Variants in SRRM1 observed in about 807,000 individuals in gnomAD.
The protein encoded by SRRM1 is serine and arginine repetitive matrix 1, also known as serine/arginine repetitive matrix protein 1.
Under a neutral mutation model 110.2 loss-of-function variants are expected in SRRM1, and 19 were observed. The observed-to-expected ratio is 0.17, with a 90% CI of 0.12 to 0.25. The LOEUF is 0.25. Ranked by LOEUF, SRRM1 falls within the 10% of genes least tolerant of loss-of-function variation. The pLI is 1.00. For missense variants in SRRM1, 918 were observed against 1,145.8 expected, an observed-to-expected ratio of 0.80 and a Z score of 2.87; for synonymous variants, 443 against 414.9, an observed-to-expected ratio of 1.07 and a Z score of -0.82.
chr1:24,652,029 A>T (rs1430404409), intron 6 of SRRM1, among the ~76,000 whole-genome samples: 6 of 79,846 alleles, frequency 7.5e-5, no homozygotes, highest in South Asian at 5.1e-4. Context: ...CTGTACTAAA[A>T]ATATATATAT....
chr1:24,649,079 C>A (rs368271078), intron 4 of SRRM1, 50 bp downstream of exon 4: 7 of 1,537,894 alleles, frequency 4.6e-6, no homozygotes, highest in Non-Finnish European at 6.2e-6. Context: ...ATTGGCCAGG[C>A]TGCCGAGACA....
chr1:24,648,555 G>A (rs1658768792), intron 3 of SRRM1: 2 of 217,638 alleles, frequency 9.2e-6, no homozygotes, highest in Non-Finnish European at 1.8e-5. Context: ...GGTTTTTAAA[G>A]TTAATAAATG....
chr1:24,661,289 C>A (rs772515845), intron 10 of SRRM1, 21 bp from the exon 11 acceptor site: 2 of 1,596,000 alleles, frequency 1.3e-6, no homozygotes, highest in Admixed American at 1.7e-5. Context: ...GAAACACTTT[C>A]TAAATGCATC....
At position 24,654,957 on chromosome 1, in the gene SRRM1, C is replaced by T. The variant is rs953576243; in HGVS notation, c.1143C>T (p.Pro381=). 6.2e-7 allele frequency: 1 copy of T among 1,614,218 alleles called. No homozygotes were observed. Among genetic ancestry groups the T allele is most frequent in the African/African-American group, 1.3e-5 (1 of 75,048 alleles). ...AGCCTCCCAAGAGGACATCCAGCCC[C>T]CCTCGGAAAACTCGTAGGTTATCTC... ...PKKPPKRTSS[P]PRKTRRLSPS... The change falls in exon 9 of 17, where the codon CCC becomes CCT. Residue 381 remains proline (P), a synonymous_variant. Transcript: ENST00000323848.
intron 9 of SRRM1, among the ~76,000 whole-genome samples, chr1:24,659,454 C>T (rs535050122): frequency 1.3e-5 from 2 of 152,152 alleles, no homozygotes; most frequent in Non-Finnish European, 2.9e-5. Context: ...CTGAGAGGAT[C>T]AAATTGTCTG....
chr1:24,651,283 T>A lies in SRRM1; in HGVS notation c.522-126T>A, dbSNP rs181762608. The A allele has an allele frequency of 9.5e-4, 713 of 747,822 alleles. 3 individuals carry two copies. The highest frequency in any genetic ancestry group is 7.6e-3 in the Middle Eastern group (22 of 2,890). 46.3% of individuals were successfully genotyped at this position (747,822 alleles called of 1,614,324 possible). A position where few individuals can be genotyped will look rare whatever the true frequency, so the allele number is the denominator to read the frequency against. Reference sequence around the variant, plus strand: ...AGTAGATTAGGTTAGCATGTCTTATTTCCATAGGGAAACATCTCAGATATA... The same window carrying A: ...AGTAGATTAGGTTAGCATGTCTTATATCCATAGGGAAACATCTCAGATATA... On this transcript the variant is annotated intron_variant, in intron 5 of 16. Coordinates refer to ENST00000323848, the MANE Select transcript of SRRM1 (RefSeq NM_005839.4).
chr1:24,666,774 A>C lies in SRRM1; in HGVS notation c.1629-41A>C, dbSNP rs370380601. 6.7e-4 allele frequency: 1,049 copies of C among 1,563,446 alleles called. 6 individuals carry two copies. Among genetic ancestry groups the C allele is most frequent in the South Asian group, 3.1e-3 (271 of 88,682 alleles). ...AGTGAGACGCCATCACACACACACA[A>C]AAAAAAGAAAAAAAATTAACTATAA... On this transcript the variant is annotated intron_variant, in intron 12 of 16. Transcript: ENST00000323848.
In SRRM1 at chr1:24,645,980, G is replaced by T. The variant is rs1306215262; in HGVS notation, c.22-4G>T. 2.5e-6 allele frequency: 4 copies of T among 1,612,418 alleles called. No homozygotes were observed. The highest frequency in any genetic ancestry group is 1.7e-5 in the Admixed American group (1 of 59,888). On this transcript the variant is annotated splice_polypyrimidine_tract_variant and splice_region_variant and intron_variant, in intron 1 of 16. Coordinates refer to ENST00000323848, the MANE Select transcript of SRRM1 (RefSeq NM_005839.4). The stretch of plus-strand genomic sequence containing the variant: ...TTAGTTAAGATGTGGTTCTCTTCCT[G>T]CAGGGAACAAGTGCAGAACAGGATA...
intron 7 of SRRM1, 61 bp downstream of exon 7, chr1:24,652,689 C>T: frequency 4.2e-6 from 6 of 1,435,298 alleles, no homozygotes; most frequent in Non-Finnish European, 5.6e-6. Flanking sequence ...CTACTGGGTA[C>T]AATTAGATAA....
chr1:24,662,798 C>T lies in SRRM1; in HGVS notation c.1622C>T (p.Ser541Phe). The T allele has an allele frequency of 6.2e-7, 1 of 1,614,162 alleles. No individual in the cohort carries two copies. The highest frequency in any genetic ancestry group is 8.5e-7 in the Non-Finnish European group (1 of 1,179,998). ...CCACGAAAGCGCCAAAAAGAGACTT[C>T]CCCTCGGTAACATCTTTGCTTCAGT... ...PSPRKRQKET[S>F]PRGRRRRSPS... The change falls in exon 12 of 17, where the codon TCC becomes TTC. Residue 541 changes from serine (S) to phenylalanine (F), a missense_variant. Around this residue, in one of 5 missense-constraint regions of SRRM1, gnomAD observed 357 missense variants for 402.9 expected, o/e 0.89. Transcript: ENST00000323848.
Position 24,643,318 on chromosome 1 carries a change from G to A in SRRM1, c.-9G>A. ...GGGATAGGGAGCGATCTCCGAGCGA[G>A]GCGGCAAGATGGACGCGGGATTTTT... On this transcript the variant is annotated 5_prime_UTR_variant, in exon 1 of 17. Coordinates refer to ENST00000323848, the MANE Select transcript of SRRM1 (RefSeq NM_005839.4). The A allele has an allele frequency of 6.4e-7, 1 of 1,562,024 alleles. No homozygotes were observed. The highest frequency in any genetic ancestry group is 8.6e-7 in the Non-Finnish European group (1 of 1,158,544).
intron 4 of SRRM1, 24 bp from the exon 5 acceptor site, chr1:24,649,947 A>G (rs947983915): frequency 1.4e-5 from 22 of 1,538,160 alleles, no homozygotes; most frequent in Non-Finnish European, 1.8e-5. Flanking sequence ...AACTATGTGT[A>G]TTTTGAAAAC....
intron 4 of SRRM1, 117 bp downstream of exon 4, chr1:24,649,146 GTATT>G (rs1355417735): frequency 1.1e-6 from 1 of 883,376 alleles, no homozygotes; most frequent in African/African-American, 1.7e-5. Context: ...TTGCTGTACT[GTATT>G]TAAACATTCA....
chr1:24,646,587 C>G, intron 2 of SRRM1, 80 bp from the exon 3 acceptor site: 1 of 1,252,554 alleles, frequency 8.0e-7, no homozygotes, highest in South Asian at 1.6e-5. Flanking sequence ...CTAAAAGGAA[C>G]TTTGGTAGAC....
At position 24,671,549 on chromosome 1, in the gene SRRM1, C is replaced by T. The variant is rs770893411; in HGVS notation, c.2564C>T (p.Thr855Ile). The T allele has an allele frequency of 8.1e-6, 13 of 1,608,796 alleles. No homozygotes were observed. Among genetic ancestry groups the T allele is most frequent in the Middle Eastern group, 1.7e-4 (1 of 6,052 alleles). Residue 855 changes from threonine (T) to isoleucine (I), a missense_variant, in exon 16 of 17, where the codon ACC becomes ATC. Coordinates refer to ENST00000323848, the MANE Select transcript of SRRM1 (RefSeq NM_005839.4). ...VTPAAIAAAT[T>I]TLAQEEPVAA... ...CCTGCAGCCATTGCAGCTGCCACAACCACATTAGCACAGGAAGAGCCAGTG... is the reference window on the plus strand; with the variant it reads ...CCTGCAGCCATTGCAGCTGCCACAATCACATTAGCACAGGAAGAGCCAGTG...
chr1:24,656,330 C>G (rs1664090350), intron 9 of SRRM1, among the ~76,000 whole-genome samples: 1 of 152,148 alleles, frequency 6.6e-6, no homozygotes, highest in African/African-American at 2.4e-5. Context: ...TTATGATAGT[C>G]TGTAAAAAGT....
At chr1:24,668,151 T>C (rs1329918607) in intron 13 of SRRM1, among the ~76,000 whole-genome samples, 2 of 151,776 alleles carry the variant, frequency 1.3e-5, no homozygotes, top group Non-Finnish European at 2.9e-5. Flanking sequence ...TTTGTATTTT[T>C]TGTAGAGATG....
At chr1:24,643,572 G>A in intron 1 of SRRM1, 1 of 415,988 alleles carries the variant, frequency 2.4e-6, no homozygotes. Flanking sequence ...CGGCGGCGAC[G>A]GTGGCCGGAA....
chr1:24,643,377 G>A (rs1158467152), intron 1 of SRRM1, 30 bp downstream of exon 1: 2 of 1,537,888 alleles, frequency 1.3e-6, no homozygotes, highest in South Asian at 2.4e-5. Context: ...GCCGGGGTGA[G>A]GCCAGGGACT....
Sources: gnomAD v4.1 joint callset for allele counts (sites outside exome capture counted in the v4.1 genomes callset) on GRCh38, gnomAD v4.1.1 for gene constraint, gnomAD v4.1.1 regional missense constraint, MANE v1.5 for transcripts, NCBI Gene and HGNC (gene_info 2026-07-23, HGNC 2026-07-21) for gene names.